The following DAPL1 variants were observed in gnomAD, a reference collection of about 807,000 sequenced individuals.
The protein encoded by DAPL1 is death associated protein like 1.
A neutral mutation model predicts 12.9 loss-of-function variants in DAPL1; 17 were observed. The ratio of observed to expected loss-of-function variants is 1.32; its 90% CI spans 0.90 to 1.98. DAPL1 has a LOEUF of 1.98. Among genes scored for constraint, DAPL1 ranks in the 30% most tolerant of loss-of-function variants. The pLI is 0.00. For synonymous variants in DAPL1, 51 were observed against 42.0 expected, an observed-to-expected ratio of 1.21 and a Z score of -0.82; for missense variants, 157 against 125.7, an observed-to-expected ratio of 1.25 and a Z score of -1.19.
At chr2:158,800,762 T>A (rs1273055298) in intron 1 of DAPL1, among the ~76,000 whole-genome samples, 2 of 152,228 alleles carry the variant, frequency 1.3e-5, no homozygotes, top group Non-Finnish European at 2.9e-5. Flanking sequence ...CTGCCTTCAC[T>A]CTGGTCACTC....
intron 3 of DAPL1, among the ~76,000 whole-genome samples, chr2:158,808,061 A>G (rs777349049): frequency 7.2e-5 from 11 of 152,304 alleles, no homozygotes; most frequent in Middle Eastern, 3.4e-3. Context: ...AGGTGAGCTG[A>G]GTGAGGGCCC....
chr2:158,813,414 A>G (rs2059242404), intron 3 of DAPL1, among the ~76,000 whole-genome samples: 1 of 152,218 alleles, frequency 6.6e-6, no homozygotes, highest in African/African-American at 2.4e-5. Flanking sequence ...TGTATATCTT[A>G]GCACAATTTT....
intron 3 of DAPL1, among the ~76,000 whole-genome samples, chr2:158,810,742 AGCCCTCAATAAGAGAATTCATGTT>A (rs1454796873): frequency 2.6e-5 from 4 of 152,132 alleles, no homozygotes. Context: ...CACCTCTTGA[AGCCCTCAATAAGAGAATTCATGTT>A]GCCCAGTGGC....
intron 3 of DAPL1, 148 bp from the exon 4 acceptor site, chr2:158,815,557 G>T (rs896549832): frequency 1.5e-6 from 1 of 660,802 alleles, no homozygotes; most frequent in African/African-American, 1.8e-5. Flanking sequence ...TTTAGGGCTA[G>T]AAATAGTATG....
At chr2:158,806,702 G>A (rs954029782) in intron 2 of DAPL1, among the ~76,000 whole-genome samples, 1 of 151,954 alleles carries the variant, frequency 6.6e-6, no homozygotes, top group African/African-American at 2.4e-5. Flanking sequence ...CAGGCATGGT[G>A]GTGCATGCCT....
intron 3 of DAPL1, 51 bp downstream of exon 3, chr2:158,807,166 TC>T (rs1272551147): frequency 6.9e-7 from 1 of 1,449,882 alleles, no homozygotes; most frequent in Non-Finnish European, 9.6e-7. Flanking sequence ...GCCCAGTGGA[TC>T]CAGCTGCATG....
At chr2:158,813,557 CTTT>C (rs11355982) in intron 3 of DAPL1, among the ~76,000 whole-genome samples, 128 of 132,878 alleles carry the variant, frequency 9.6e-4, no homozygotes, top group African/African-American at 2.8e-3. Context: ...TTTCCTTTTT[CTTT>C]TTTTTTTTTT....
intron 1 of DAPL1, among the ~76,000 whole-genome samples, chr2:158,797,926 G>T (rs2059143986): frequency 6.6e-6 from 1 of 152,090 alleles, no homozygotes; most frequent in Non-Finnish European, 1.5e-5. Flanking sequence ...ATACATTTAT[G>T]CTGTGAAATG....
Position 158,803,284 on chromosome 2 carries a change from T to C in DAPL1, c.59-998T>C, listed in dbSNP as rs374551760. 5.3e-5 allele frequency among the ~76,000 whole-genome samples: 8 copies of C among 152,194 alleles called. No homozygotes were observed. In the East Asian group the frequency reaches 1.5e-3, roughly 29 times the overall value. On this transcript the variant is annotated intron_variant, in intron 1 of 3. Transcript: ENST00000309950. ...TTTTGAATTTTGGGCCTTATGCAGA[T>C]AAGATAACCAAGACAATAAATTAAG...
intron 3 of DAPL1, among the ~76,000 whole-genome samples, chr2:158,807,336 AATAAG>A (rs1451574753): frequency 6.6e-6 from 1 of 152,244 alleles, no homozygotes; most frequent in Non-Finnish European, 1.5e-5. Context: ...TCATTTCAAA[AATAAG>A]ATAAGAAAGT....
intron 2 of DAPL1, among the ~76,000 whole-genome samples, chr2:158,804,895 A>G (rs1273959505): frequency 6.6e-6 from 1 of 152,222 alleles, no homozygotes; most frequent in East Asian, 1.9e-4. Context: ...TGCTCCTTCC[A>G]CCATAACATT....
Position 158,815,795 on chromosome 2 carries a change from A to G in DAPL1, c.298A>G (p.Ile100Val). ...EKVVPLKRIY[I>V]IQQPRKC is the part of the protein sequence containing the mutation. ...GGTTGTTCCACTGAAAAGGATCTAC[A>G]TTATTCAGCAGCCTCGAAAATGTTA... The change falls in exon 4 of 4, where the codon ATT (isoleucine) becomes GTT (valine). Residue 100 changes from isoleucine to valine, a missense_variant. By Grantham distance (29) the Ile-to-Val change is conservative (BLOSUM62 3). Coordinates refer to ENST00000309950, the MANE Select transcript of DAPL1 (RefSeq NM_001017920.3). 3.7e-6 allele frequency: 6 copies of G among 1,613,490 alleles called. No homozygotes were observed. The highest frequency in any genetic ancestry group is 2.2e-5 in the East Asian group (1 of 44,880).
intron 3 of DAPL1, among the ~76,000 whole-genome samples, chr2:158,807,468 C>A (rs543628045): frequency 6.6e-6 from 1 of 152,238 alleles, no homozygotes; most frequent in East Asian, 1.9e-4. Context: ...TGGTTTTTGA[C>A]CTTCCTCCCT....
At chr2:158,814,955 T>C (rs1043302848) in intron 3 of DAPL1, among the ~76,000 whole-genome samples, 3 of 152,254 alleles carry the variant, frequency 2.0e-5, no homozygotes, top group East Asian at 3.9e-4. Context: ...ATGTCTGAAG[T>C]GGTCAGCAGC....
At chr2:158,797,276 T>A (rs1198195993) in intron 1 of DAPL1, among the ~76,000 whole-genome samples, 1 of 152,144 alleles carries the variant, frequency 6.6e-6, no homozygotes, top group East Asian at 1.9e-4. Flanking sequence ...CTAGTAAGTT[T>A]GTTGTAATGA....
chr2:158,808,502 GAC>G (rs1233655101), intron 3 of DAPL1, among the ~76,000 whole-genome samples: 1 of 152,176 alleles, frequency 6.6e-6, no homozygotes, highest in African/African-American at 2.4e-5. Flanking sequence ...AGTGAAATAA[GAC>G]AGTATATCTA....
intron 1 of DAPL1, among the ~76,000 whole-genome samples, chr2:158,803,418 A>G (rs2059180242): frequency 6.6e-6 from 1 of 152,272 alleles, no homozygotes; most frequent in African/African-American, 2.4e-5. Context: ...AAAATCGCCA[A>G]TCTGGCATTT....
In DAPL1 at chr2:158,804,307, C is replaced by T; in HGVS notation, c.84C>T (p.Ser28=). The T allele has an allele frequency of 1.2e-6, 2 of 1,610,412 alleles. No individual in the cohort carries two copies. The highest frequency in any genetic ancestry group is 8.5e-7 in the Non-Finnish European group (1 of 1,178,118). ...TAAAAGCTGGAGGAATGAGAATTTCCAAAAAACAAGAAATTGGCACCTTGG... is the reference window on the plus strand; with the variant it reads ...TAAAAGCTGGAGGAATGAGAATTTCTAAAAAACAAGAAATTGGCACCTTGG... The part of the protein sequence containing the change: ...PAVKAGGMRI[S]KKQEIGTLER... Residue 28 remains serine, a synonymous_variant, in exon 2 of 4, where the codon TCC becomes TCT. Transcript: ENST00000309950.
intron 1 of DAPL1, among the ~76,000 whole-genome samples, chr2:158,795,843 C>T (rs1414704667): frequency 6.6e-6 from 1 of 152,170 alleles, no homozygotes; most frequent in African/African-American, 2.4e-5. Flanking sequence ...CTCAGTCTCC[C>T]CAAGATGCCT....
Sources: gnomAD v4.1 joint callset for allele counts (sites outside exome capture counted in the v4.1 genomes callset) on GRCh38, gnomAD v4.1.1 for gene constraint, MANE v1.5 for transcripts, NCBI Gene and HGNC (gene_info 2026-07-23, HGNC 2026-07-21) for gene names.